The following CNTN5 variants were observed in gnomAD, a reference collection of about 807,000 sequenced individuals.
CNTN5 encodes the protein contactin 5.
A neutral mutation model predicts 129.1 loss-of-function variants in CNTN5; 77 were observed. That is an observed-to-expected ratio of 0.60 (90% CI 0.50 to 0.72). The LOEUF is 0.72. Ranked by LOEUF, CNTN5 falls within the 30% of genes least tolerant of loss-of-function variation. The pLI is 0.00. For missense variants in CNTN5, 1,478 were observed against 1,328.8 expected, an observed-to-expected ratio of 1.11 and a Z score of -1.75; for synonymous variants, 509 against 465.6, an observed-to-expected ratio of 1.09 and a Z score of -1.20.
intron 23 of CNTN5, 98 bp from the exon 24 acceptor site, chr11:100,350,604 G>T: frequency 1.2e-6 from 1 of 837,424 alleles, no homozygotes; most frequent in Non-Finnish European, 1.8e-6. Context: ...TAAACTGTAA[G>T]CTCCTTGTGC....
At chr11:100,207,534 C>G (rs1430068753) in intron 15 of CNTN5, among the ~76,000 whole-genome samples, 1 of 152,048 alleles carries the variant, frequency 6.6e-6, no homozygotes, top group Non-Finnish European at 1.5e-5. Context: ...CTCACTAAAA[C>G]TAAAAAATAC....
In CNTN5 at chr11:100,002,146, T is replaced by C; in HGVS notation, c.980+10T>C. ...GCTTTGCACTTGGCAAGTAAGTACA[T>C]GTTCTTCCATAATTAAACACAATTT... On this transcript the variant is annotated intron_variant, in intron 9 of 24. Coordinates refer to ENST00000524871, the MANE Select transcript of CNTN5 (RefSeq NM_014361.4). The C allele has an allele frequency of 6.7e-7, 1 of 1,482,422 alleles. No individual in the cohort carries two copies. Among genetic ancestry groups the C allele is most frequent in the South Asian group, 1.4e-5 (1 of 73,726 alleles). The allele number at this position is 1,482,422 out of a possible 1,614,324, so 91.8% of individuals were successfully genotyped here. A position where few individuals can be genotyped will look rare whatever the true frequency, so the allele number is the denominator to read the frequency against.
At chr11:100,147,003 C>T (rs1946871930) in intron 13 of CNTN5, among the ~76,000 whole-genome samples, 1 of 152,268 alleles carries the variant, frequency 6.6e-6, no homozygotes, top group Admixed American at 6.6e-5. Context: ...GATCTCTTTG[C>T]TAGCATAATC....
At chr11:100,092,607 G>A (rs1944831308) in intron 13 of CNTN5, among the ~76,000 whole-genome samples, 1 of 152,116 alleles carries the variant, frequency 6.6e-6, no homozygotes, top group Non-Finnish European at 1.5e-5. Context: ...TCCCTATCTG[G>A]TTTTAAACAC....
intron 3 of CNTN5, among the ~76,000 whole-genome samples, chr11:99,766,951 A>G (rs1229792310): frequency 6.6e-6 from 1 of 151,992 alleles, no homozygotes; most frequent in Non-Finnish European, 1.5e-5. Context: ...ATCTTCAGAT[A>G]TTTGCTTATC....
chr11:99,126,108 G>A (rs56654129), intron 1 of CNTN5, among the ~76,000 whole-genome samples: 9,387 of 152,030 alleles, frequency 0.062, 316 homozygotes, highest in African/African-American at 0.085. Flanking sequence ...TGTTCTATAG[G>A]GATATTAAAT....
At chr11:100,090,451 CTCTT>C (rs1328566811) in intron 13 of CNTN5, among the ~76,000 whole-genome samples, 1 of 109,126 alleles carries the variant, frequency 9.2e-6, no homozygotes. Context: ...CTTCCTTCCT[CTCTT>C]TCTCTTTCTT....
At chr11:99,825,028 A>G (rs553504112) in intron 4 of CNTN5, among the ~76,000 whole-genome samples, 2 of 152,048 alleles carry the variant, frequency 1.3e-5, no homozygotes, top group East Asian at 3.9e-4. Context: ...TCAATCTGTT[A>G]CTGTTGTCTG....
At chr11:100,158,171 T>TA (rs1947320673) in intron 13 of CNTN5, among the ~76,000 whole-genome samples, 2 of 151,852 alleles carry the variant, frequency 1.3e-5, no homozygotes, top group South Asian at 2.1e-4. Context: ...ACTACAAAGC[T>TA]AAAAATGATC....
intron 3 of CNTN5, among the ~76,000 whole-genome samples, chr11:99,737,088 T>G (rs1411076361): frequency 1.3e-5 from 2 of 151,994 alleles, no homozygotes; most frequent in African/African-American, 2.4e-5. Context: ...TTTTTTACTT[T>G]TGTCAAAGGG....
At chr11:100,126,622 C>G (rs1196696434) in intron 13 of CNTN5, among the ~76,000 whole-genome samples, 1 of 151,684 alleles carries the variant, frequency 6.6e-6, no homozygotes, top group Admixed American at 6.6e-5. Context: ...TTATGTTTTC[C>G]TTTTGCAAGG....
At chr11:100,261,031 G>A (rs560660927) in intron 17 of CNTN5, among the ~76,000 whole-genome samples, 116 of 152,248 alleles carry the variant, frequency 7.6e-4, no homozygotes, top group African/African-American at 2.6e-3. Flanking sequence ...TGACATGACT[G>A]TATATTTAGA....
At chr11:99,032,021 G>C in intron 1 of CNTN5, among the ~76,000 whole-genome samples, 1 of 149,502 alleles carries the variant, frequency 6.7e-6, no homozygotes, top group East Asian at 2.0e-4. Context: ...GCGGTGTTTG[G>C]TTTTTTGTTC....
At chr11:99,891,149 TAATAAC>T (rs564186785) in intron 6 of CNTN5, among the ~76,000 whole-genome samples, 52 of 152,306 alleles carry the variant, frequency 3.4e-4, no homozygotes, top group African/African-American at 1.2e-3. Flanking sequence ...ATACTTTAGT[TAATAAC>T]AATATATAAA....
chr11:99,921,089 C>G (rs968566112), intron 7 of CNTN5, among the ~76,000 whole-genome samples: 1 of 152,146 alleles, frequency 6.6e-6, no homozygotes, highest in Non-Finnish European at 1.5e-5. Context: ...GTCACCTAAT[C>G]CCAGACTTCC....
At chr11:99,687,699 C>G (rs1292178997) in intron 3 of CNTN5, among the ~76,000 whole-genome samples, 1 of 152,158 alleles carries the variant, frequency 6.6e-6, no homozygotes, top group Non-Finnish European at 1.5e-5. Flanking sequence ...ACTAGAGACA[C>G]AGATTATAGG....
rs147967384 is a variant in CNTN5, at chr11:100,055,326, C to T, written c.981-5886C>T. ...GCTCTTTTTGATCAGTATTTTAGTACTGTCCCTTTTTATACACACACATTA... is the reference window on the plus strand; with the variant it reads ...GCTCTTTTTGATCAGTATTTTAGTATTGTCCCTTTTTATACACACACATTA... On this transcript the variant is annotated intron_variant, in intron 9 of 24. Transcript: ENST00000524871. Among the ~76,000 whole-genome samples, 72 of 151,596 alleles carry T rather than the reference C, an allele frequency of 4.7e-4. No individual in the cohort carries two copies. The East Asian group carries it at 0.013, about 28-fold the overall frequency.
intron 9 of CNTN5, among the ~76,000 whole-genome samples, chr11:100,042,825 C>T (rs1565819977): frequency 6.6e-6 from 1 of 152,166 alleles, no homozygotes; most frequent in African/African-American, 2.4e-5. Flanking sequence ...AAATGAATAG[C>T]ATCATCCTCG....
At chr11:99,321,752 G>A (rs1284184756) in intron 1 of CNTN5, among the ~76,000 whole-genome samples, 3 of 152,170 alleles carry the variant, frequency 2.0e-5, no homozygotes, top group Non-Finnish European at 4.4e-5. Flanking sequence ...GTGAAGGGTA[G>A]TGGGTGATCT....
Sources: allele counts gnomAD v4.1 joint callset (sites outside exome capture counted in the v4.1 genomes callset), GRCh38; gene constraint gnomAD v4.1.1; transcripts MANE v1.5; gene names NCBI Gene and HGNC (gene_info 2026-07-23, HGNC 2026-07-21).